Variants in PID1 observed in about 807,000 individuals in gnomAD.
PID1 encodes the protein phosphotyrosine interaction domain containing 1, also known as PTB-containing, cubilin and LRP1-interacting protein.
In PID1, 10 loss-of-function variants were observed where a neutral mutation model predicts 19.1. The ratio of observed to expected loss-of-function variants is 0.52; its 90% CI spans 0.32 to 0.89. The LOEUF (loss-of-function observed/expected upper bound fraction) is 0.89. Among genes scored for constraint, PID1 ranks in the 40% least tolerant of loss-of-function variants. The pLI is 0.03. For missense variants in PID1, 248 were observed against 285.3 expected, an observed-to-expected ratio of 0.87 and a Z score of 0.94; for synonymous variants, 130 against 116.0, an observed-to-expected ratio of 1.12 and a Z score of -0.78.
At chr2:229,120,073 C>T (rs894765395) in intron 2 of PID1, among the ~76,000 whole-genome samples, 1 of 152,134 alleles carries the variant, frequency 6.6e-6, no homozygotes, top group Admixed American at 6.6e-5. Flanking sequence ...TGGGACTTAG[C>T]CTCCATAATC....
intron 2 of PID1, among the ~76,000 whole-genome samples, chr2:229,073,054 C>T (rs1694488719): frequency 1.3e-5 from 2 of 152,152 alleles, no homozygotes; most frequent in African/African-American, 4.8e-5. Context: ...GAGACGGAGT[C>T]TCGCTCTGTC....
chr2:229,224,446 C>T (rs1245430929), intron 1 of PID1, among the ~76,000 whole-genome samples: 1 of 152,136 alleles, frequency 6.6e-6, no homozygotes, highest in Non-Finnish European at 1.5e-5. Context: ...GGGTGTCTCT[C>T]CATCTATTAA....
rs60513006 is a variant in PID1 at position 229,134,231 on chromosome 2, G to GTTTTTTT, written c.177+21580_177+21586dup. 2.2e-4 allele frequency among the ~76,000 whole-genome samples: 24 copies of GTTTTTTT among 109,200 alleles called. 1 individual carries two copies. The highest frequency in any genetic ancestry group is 1.6e-3 in the East Asian group (5 of 3,204). 71.6% of individuals were successfully genotyped at this position (109,200 alleles called of 152,430 possible). A position where few individuals can be genotyped will look rare whatever the true frequency, so the allele number is the denominator to read the frequency against. ...TTCAATAACAATGTTTACTACCTGT[G>GTTTTTTT]TTTTTTTTTTTTTTTTTTTTTGAGA... is the stretch of plus-strand genomic sequence containing the variant. On this transcript the variant is annotated intron_variant, in intron 2 of 2. Coordinates refer to ENST00000392055, the MANE Select transcript of PID1 (RefSeq NM_001100818.2).
chr2:229,165,083 A>G (rs570839258), intron 1 of PID1, among the ~76,000 whole-genome samples: 18 of 152,320 alleles, frequency 1.2e-4, no homozygotes, highest in Admixed American at 8.5e-4. Context: ...AGCAATGAGT[A>G]GAGAAATAAA....
chr2:229,195,196 T>C (rs769462592), intron 1 of PID1, among the ~76,000 whole-genome samples: 16 of 151,886 alleles, frequency 1.1e-4, no homozygotes, highest in Non-Finnish European at 1.6e-4. Flanking sequence ...CACAAAATTT[T>C]GCTATATTTA....
chr2:229,135,710 T>C (rs1446917916), intron 2 of PID1, among the ~76,000 whole-genome samples: 2 of 152,144 alleles, frequency 1.3e-5, no homozygotes, highest in African/African-American at 4.8e-5. Flanking sequence ...TGGGGAGTGA[T>C]GCACGGCATA....
intron 2 of PID1, among the ~76,000 whole-genome samples, chr2:229,055,135 C>A (rs1369373877): frequency 2.6e-5 from 4 of 152,136 alleles, no homozygotes; most frequent in African/African-American, 7.2e-5. Context: ...ATCATTGGTG[C>A]TCACACTCTC....
At chr2:229,236,955 C>A (rs190213416) in intron 1 of PID1, among the ~76,000 whole-genome samples, 4 of 148,744 alleles carry the variant, frequency 2.7e-5, no homozygotes, top group Non-Finnish European at 4.4e-5. Flanking sequence ...TCCCGCAAAG[C>A]CTAGCATGCG....
At chr2:229,215,642 A>T (rs1352095208) in intron 1 of PID1, among the ~76,000 whole-genome samples, 1 of 152,224 alleles carries the variant, frequency 6.6e-6, no homozygotes, top group Non-Finnish European at 1.5e-5. Flanking sequence ...TGAAAAGGGT[A>T]TGTATAGACA....
At chr2:229,176,749 G>A (rs1690832434) in intron 1 of PID1, among the ~76,000 whole-genome samples, 1 of 152,110 alleles carries the variant, frequency 6.6e-6, no homozygotes, top group Admixed American at 6.5e-5. Flanking sequence ...TTAACAAAGG[G>A]AAGCCAAAAA....
chr2:229,113,504 G>A (rs1316420385), intron 2 of PID1, among the ~76,000 whole-genome samples: 1 of 85,290 alleles, frequency 1.2e-5, no homozygotes, highest in Admixed American at 1.4e-4. Context: ...ATGTGTGTGT[G>A]TATACATATA....
At chr2:229,040,072 G>A (rs1682943269) in intron 2 of PID1, among the ~76,000 whole-genome samples, 1 of 150,244 alleles carries the variant, frequency 6.7e-6, no homozygotes, top group African/African-American at 2.5e-5. Context: ...GAGTGAGAAA[G>A]AGTATATGTA....
chr2:229,039,619 T>C (rs1396962919), intron 2 of PID1, among the ~76,000 whole-genome samples: 1 of 152,210 alleles, frequency 6.6e-6, no homozygotes, highest in African/African-American at 2.4e-5. Flanking sequence ...CCCTAGATTA[T>C]CTCTTAACTG....
At chr2:229,069,918 T>G (rs772228925) in intron 2 of PID1, among the ~76,000 whole-genome samples, 16 of 152,188 alleles carry the variant, frequency 1.1e-4, no homozygotes, top group Non-Finnish European at 2.2e-4. Context: ...ATCAACAGTT[T>G]GACAAAAGAA....
chr2:229,159,936 T>C (rs1477838904), intron 1 of PID1, among the ~76,000 whole-genome samples: 1 of 152,048 alleles, frequency 6.6e-6, no homozygotes. Context: ...CATAGGTCAC[T>C]GAGAGTGAGA....
chr2:229,142,907 T>G (rs1319940492), intron 2 of PID1, among the ~76,000 whole-genome samples: 1 of 151,182 alleles, frequency 6.6e-6, no homozygotes, highest in African/African-American at 2.4e-5. Context: ...GTATGTTTAT[T>G]GTGGCACTAT....
intron 1 of PID1, chr2:229,262,929 C>A: frequency 6.9e-7 from 1 of 1,439,226 alleles, no homozygotes; most frequent in Non-Finnish European, 9.1e-7. Flanking sequence ...CTAGGGTTCA[C>A]CCTAATTCAA....
At chr2:229,079,348 G>A (rs1694625743) in intron 2 of PID1, among the ~76,000 whole-genome samples, 1 of 152,150 alleles carries the variant, frequency 6.6e-6, no homozygotes, top group Non-Finnish European at 1.5e-5. Context: ...GGACTTCAAA[G>A]ATTTGAAGAC....
intron 2 of PID1, among the ~76,000 whole-genome samples, chr2:229,056,815 T>C (rs941569685): frequency 9.2e-5 from 14 of 152,192 alleles, no homozygotes; most frequent in African/African-American, 2.6e-4. Context: ...TGGTTCATCC[T>C]CTAATACACT....
Sources: allele counts gnomAD v4.1 joint callset (sites outside exome capture counted in the v4.1 genomes callset), GRCh38; gene constraint gnomAD v4.1.1; transcripts MANE v1.5; gene names NCBI Gene and HGNC (gene_info 2026-07-23, HGNC 2026-07-21).